CCDC6: variants seen among roughly 807,000 people sequenced by gnomAD.
CCDC6 encodes the protein coiled-coil domain-containing protein 6.
In CCDC6, 20 loss-of-function variants were observed where a neutral mutation model predicts 56.6. That is an observed-to-expected ratio of 0.35 (90% confidence interval 0.25 to 0.51). The LOEUF (loss-of-function observed/expected upper bound fraction) is 0.51. Ranked by LOEUF, CCDC6 falls within the 20% of genes least tolerant of loss-of-function variation. The probability of loss-of-function intolerance (pLI) is 0.95; values close to 1 mark genes in which losing one functional copy is unlikely to be tolerated. For synonymous variants in CCDC6, 241 were observed against 234.4 expected (o/e 1.03, Z -0.26); for missense variants, 367 against 601.1 (o/e 0.61, Z 4.07).
intron 1 of CCDC6, among the ~76,000 whole-genome samples, chr10:59,887,051 CT>C (rs1350242540): frequency 1.3e-5 from 2 of 152,218 alleles, no homozygotes; most frequent in Non-Finnish European, 2.9e-5. Context: ...GAAGCAACAT[CT>C]ATTCGAATTA....
intron 1 of CCDC6, among the ~76,000 whole-genome samples, chr10:59,860,337 G>A (rs532746957): frequency 5.3e-4 from 80 of 152,276 alleles, no homozygotes; most frequent in African/African-American, 1.8e-3. Flanking sequence ...ACGAAGAAAG[G>A]AAGAGGAATG....
intron 7 of CCDC6, among the ~76,000 whole-genome samples, chr10:59,800,083 A>G (rs770853204): frequency 1.3e-5 from 2 of 152,196 alleles, no homozygotes; most frequent in African/African-American, 4.8e-5. Context: ...TTTTATTTTG[A>G]AATAGTTTAC....
chr10:59,839,571 C>G (rs990854284), intron 2 of CCDC6, among the ~76,000 whole-genome samples: 5 of 152,158 alleles, frequency 3.3e-5, no homozygotes, highest in Non-Finnish European at 7.3e-5. Flanking sequence ...TCTCCAACTC[C>G]TAGACATAAT....
At chr10:59,859,336 C>T (rs563676237) in intron 1 of CCDC6, among the ~76,000 whole-genome samples, 1 of 152,018 alleles carries the variant, frequency 6.6e-6, no homozygotes, top group African/African-American at 2.4e-5. Flanking sequence ...TATTTTGGAT[C>T]CCATATATAT....
At chr10:59,804,613 G>C in intron 6 of CCDC6, 93 bp from the exon 7 acceptor site, 1 of 746,536 alleles carries the variant, frequency 1.3e-6, no homozygotes, top group Admixed American at 2.0e-5. Flanking sequence ...TTCACACCTT[G>C]AGGTCAAAAT....
At chr10:59,804,375 T>C (rs1455337457) in intron 7 of CCDC6, 45 bp downstream of exon 7, 1 of 1,131,070 alleles carries the variant, frequency 8.8e-7, no homozygotes, top group Admixed American at 1.7e-5. Context: ...GCCTATTCAA[T>C]GTGCCAGGAA....
chr10:59,897,699 C>T (rs962505686), intron 1 of CCDC6, among the ~76,000 whole-genome samples: 1 of 152,200 alleles, frequency 6.6e-6, no homozygotes, highest in African/African-American at 2.4e-5. Context: ...AACAAGCAGA[C>T]AGCACAAAAG....
intron 2 of CCDC6, among the ~76,000 whole-genome samples, chr10:59,839,951 G>A (rs898871172): frequency 6.6e-6 from 1 of 152,052 alleles, no homozygotes; most frequent in African/African-American, 2.4e-5. Flanking sequence ...TCAGCCTCCC[G>A]AGTAGCTGGA....
rs931499679 is a variant in CCDC6, at chr10:59,906,538, C to A, written c.-114G>T. On this transcript the variant is annotated 5_prime_UTR_variant, in exon 1 of 9. The change creates a new upstream start codon in the 5' untranslated region. Transcript: ENST00000263102. ...CACAGGGGAGCGCCGAGCTGAGCGC[C>A]TGGCACCAGGGCGCAGACTCGGAGC... The A allele has an allele frequency of 3.2e-6, 3 of 927,788 alleles. No homozygotes were observed. The highest frequency in any genetic ancestry group is 4.5e-6 in the Non-Finnish European group (3 of 663,506). 57.5% of individuals were successfully genotyped at this position (927,788 alleles called of 1,614,324 possible).
intron 1 of CCDC6, among the ~76,000 whole-genome samples, chr10:59,872,453 TC>T (rs2071237579): frequency 6.6e-6 from 1 of 152,214 alleles, no homozygotes; most frequent in Admixed American, 6.5e-5. Flanking sequence ...CCAATTTACA[TC>T]CTGTTCCTTG....
At chr10:59,808,866 C>A (rs902907237) in intron 5 of CCDC6, among the ~76,000 whole-genome samples, 2 of 152,180 alleles carry the variant, frequency 1.3e-5, no homozygotes, top group Non-Finnish European at 2.9e-5. Flanking sequence ...TACAGATATA[C>A]AAAAGCTCTT....
chr10:59,903,074 A>G (rs971844428), intron 1 of CCDC6, among the ~76,000 whole-genome samples: 1 of 152,224 alleles, frequency 6.6e-6, no homozygotes, highest in African/African-American at 2.4e-5. Flanking sequence ...TGCATACTGT[A>G]TGATTCCAAC....
chr10:59,861,049 A>G (rs2071123430), intron 1 of CCDC6, among the ~76,000 whole-genome samples: 1 of 151,936 alleles, frequency 6.6e-6, no homozygotes, highest in African/African-American at 2.4e-5. Flanking sequence ...GCAAAAACTT[A>G]CCTGGCCGTG....
chr10:59,878,679 C>A (rs968310352), intron 1 of CCDC6, among the ~76,000 whole-genome samples: 5 of 152,188 alleles, frequency 3.3e-5, no homozygotes, highest in Non-Finnish European at 7.3e-5. Flanking sequence ...ATGTGACACA[C>A]AAACCCCTAC....
At chr10:59,861,494 GA>G (rs1226766181) in intron 1 of CCDC6, among the ~76,000 whole-genome samples, 1 of 131,548 alleles carries the variant, frequency 7.6e-6, no homozygotes, top group Non-Finnish European at 1.6e-5. Context: ...CAAGACAACA[GA>G]AAAGTCTCAG....
intron 1 of CCDC6, among the ~76,000 whole-genome samples, chr10:59,859,611 C>T (rs1032332639): frequency 1.2e-4 from 18 of 151,956 alleles, no homozygotes; most frequent in African/African-American, 4.1e-4. Flanking sequence ...CCTAACAATC[C>T]AAAATGTGGC....
chr10:59,877,819 G>T (rs2071297593), intron 1 of CCDC6, among the ~76,000 whole-genome samples: 1 of 152,028 alleles, frequency 6.6e-6, no homozygotes, highest in East Asian at 1.9e-4. Flanking sequence ...TGTTCATCAG[G>T]GTAACCAGAG....
rs1428310734 is a variant in CCDC6 at position 59,792,918 on chromosome 10, T to C, written c.1424A>G (p.Ter475=). The C allele has an allele frequency of 6.2e-7, 1 of 1,610,252 alleles. No individual in the cohort carries two copies. The highest frequency in any genetic ancestry group is 1.1e-5 in the South Asian group (1 of 90,428). The part of the protein sequence containing the change: ...QHSAHPSSQP[*] ...TGAAATTCAGACTAAGCTCATGCAT[T>C]AAGGCTGGGAGGAGGGGTGCGCCGA... The change falls in exon 9 of 9, where the codon TAA becomes TGA. Residue 475 remains the stop codon, a stop_retained_variant. Coordinates refer to ENST00000263102, the MANE Select transcript of CCDC6 (RefSeq NM_005436.5).
chr10:59,793,024 G>A lies in CCDC6; in HGVS notation c.1318C>T (p.Pro440Ser). ...PSPNTQTPVQ[P>S]PPPPPPPPMQ... ...GGTGGCGGAGGTGGAGGCGGAGGTGGCTGGACTGGGGTCTGTGTGTTGGGA... is the reference window on the plus strand; with the variant it reads ...GGTGGCGGAGGTGGAGGCGGAGGTGACTGGACTGGGGTCTGTGTGTTGGGA... Residue 440 changes from proline (P) to serine (S), a missense_variant, in exon 9 of 9, where the codon CCA becomes TCA. Transcript: ENST00000263102. The A allele has an allele frequency of 1.9e-6, 3 of 1,613,928 alleles. No homozygotes were observed. The highest frequency in any genetic ancestry group is 1.7e-4 in the Middle Eastern group (1 of 6,060).
Sources: allele counts gnomAD v4.1 joint callset (sites outside exome capture counted in the v4.1 genomes callset), GRCh38; gene constraint gnomAD v4.1.1; transcripts MANE v1.5; gene names NCBI Gene and HGNC (gene_info 2026-07-23, HGNC 2026-07-21).